NLK: variants seen among roughly 807,000 people sequenced by gnomAD.
NLK encodes the protein serine/threonine-protein kinase NLK.
NLK carries 11 observed loss-of-function variants against 59.0 expected under a neutral mutation model. The ratio of observed to expected loss-of-function variants is 0.19; its 90% CI spans 0.12 to 0.31. NLK has a LOEUF of 0.31. NLK is among the 10% of genes least tolerant of loss of function. The pLI is 1.00. For missense variants in NLK, 410 were observed against 661.1 expected (o/e 0.62, Z 4.16); for synonymous variants, 235 against 235.9 (o/e 1.00, Z 0.03).
chr17:28,082,672 T>C (rs2142767838), intron 1 of NLK, among the ~76,000 whole-genome samples: 1 of 152,362 alleles, frequency 6.6e-6, no homozygotes, highest in South Asian at 2.1e-4. Flanking sequence ...GAATTTAATG[T>C]TGACCTCTAA....
At chr17:28,131,464 G>A (rs1176842424) in intron 2 of NLK, among the ~76,000 whole-genome samples, 2 of 151,488 alleles carry the variant, frequency 1.3e-5, no homozygotes, top group Non-Finnish European at 2.9e-5. Flanking sequence ...TATATAGGGA[G>A]AGTAAAGGGT....
intron 1 of NLK, among the ~76,000 whole-genome samples, chr17:28,111,287 A>G (rs1465238822): frequency 2.0e-5 from 3 of 150,732 alleles, no homozygotes; most frequent in African/African-American, 7.3e-5. Flanking sequence ...CCCGGGTTCA[A>G]GTGATTCTCC....
chr17:28,171,795 T>C (rs1252051231), intron 6 of NLK, among the ~76,000 whole-genome samples: 1 of 152,166 alleles, frequency 6.6e-6, no homozygotes, highest in Non-Finnish European at 1.5e-5. Context: ...AGTTCAACTT[T>C]GCAAAGATCT....
chr17:28,062,487 A>G (rs1909695457), intron 1 of NLK, among the ~76,000 whole-genome samples: 1 of 152,226 alleles, frequency 6.6e-6, no homozygotes, highest in South Asian at 2.1e-4. Flanking sequence ...CATTTTTAAA[A>G]TTTACTATAA....
chr17:28,045,800 G>A (rs1429387973), intron 1 of NLK, among the ~76,000 whole-genome samples: 9 of 152,088 alleles, frequency 5.9e-5, no homozygotes, highest in African/African-American at 2.2e-4. Flanking sequence ...TATTAGTGAG[G>A]TTTTTTACTT....
chr17:28,046,601 A>G (rs760935843), intron 1 of NLK, among the ~76,000 whole-genome samples: 4 of 152,196 alleles, frequency 2.6e-5, no homozygotes, highest in African/African-American at 4.8e-5. Context: ...TTTGGTGAGT[A>G]ATATAAATCT....
chr17:28,084,935 G>A lies in NLK; in HGVS notation c.459-37668G>A, dbSNP rs574784215. ...AAAGTTTGTGAAAAAACACAAATCA[G>A]TACATCAAGGTTCAGTATATGACTA... On this transcript the variant is annotated intron_variant, in intron 1 of 10. Transcript: ENST00000407008. Among the ~76,000 whole-genome samples the A allele has an allele frequency of 2.0e-5, 3 of 152,304 alleles. No individual in the cohort carries two copies. The South Asian group carries it at 6.2e-4, about 32-fold the overall frequency.
the NLK span, among the ~76,000 whole-genome samples, chr17:28,202,144 C>T: frequency 2.8e-4 from 43 of 152,248 alleles, no homozygotes; most frequent in Middle Eastern, 3.4e-3. Flanking sequence ...ACCTGTAATC[C>T]CAACACTTTG....
chr17:28,183,716 C>T (rs888647397), intron 7 of NLK, among the ~76,000 whole-genome samples: 2 of 152,034 alleles, frequency 1.3e-5, no homozygotes, highest in South Asian at 4.1e-4. Context: ...TATAAGTAGA[C>T]GGCAGGTCTA....
chr17:28,049,919 G>A (rs183132887), intron 1 of NLK, among the ~76,000 whole-genome samples: 26 of 152,314 alleles, frequency 1.7e-4, no homozygotes, highest in Admixed American at 1.6e-3. Flanking sequence ...GGCAGAGGTT[G>A]CAGTGAGCCA....
chr17:28,122,105 CT>C (rs1391722899), intron 1 of NLK, among the ~76,000 whole-genome samples: 2 of 152,146 alleles, frequency 1.3e-5, no homozygotes, highest in Non-Finnish European at 1.5e-5. Flanking sequence ...TCAACTGCTG[CT>C]TATATTGAAG....
At chr17:28,180,941 G>A in intron 7 of NLK, among the ~76,000 whole-genome samples, 1 of 152,078 alleles carries the variant, frequency 6.6e-6, no homozygotes, top group East Asian at 1.9e-4. Flanking sequence ...GAGCTTTATA[G>A]ACTCACACAT....
In NLK at chr17:28,168,896, A is replaced by T. The variant is rs560058155; in HGVS notation, c.1047+239A>T. ...TATGTATTTATTTATTATTATTATT[A>T]TTTTTTGAGACGGAGTTTTGCTCTT... is the stretch of plus-strand genomic sequence containing the variant. On this transcript the variant is annotated intron_variant, in intron 6 of 10. Transcript: ENST00000407008. Among the ~76,000 whole-genome samples the T allele has an allele frequency of 9.9e-5, 15 of 151,932 alleles. No homozygotes were observed. In the South Asian group the frequency reaches 1.9e-3, roughly 19 times the overall value.
chr17:28,163,755 T>C, intron 5 of NLK, 127 bp downstream of exon 5: 1 of 611,850 alleles, frequency 1.6e-6, no homozygotes, highest in Non-Finnish European at 2.9e-6. Flanking sequence ...CCCAGTTTTC[T>C]CCATATCACT....
chr17:28,072,795 T>TCTA (rs2142758271), intron 1 of NLK, among the ~76,000 whole-genome samples: 1 of 152,294 alleles, frequency 6.6e-6, no homozygotes, highest in South Asian at 2.1e-4. Flanking sequence ...GCCTGGTCCG[T>TCTA]TTTAATAGTC....
intron 7 of NLK, among the ~76,000 whole-genome samples, chr17:28,184,709 A>T (rs2142068563): frequency 6.6e-6 from 1 of 152,324 alleles, no homozygotes; most frequent in South Asian, 2.1e-4. Context: ...GCACTTTGGG[A>T]GGCCGAGGCA....
intron 1 of NLK, among the ~76,000 whole-genome samples, chr17:28,073,963 C>T (rs1333137876): frequency 2.0e-5 from 3 of 152,122 alleles, no homozygotes; most frequent in Non-Finnish European, 4.4e-5. Flanking sequence ...TCTTTATAAC[C>T]AACTCTTGAA....
intron 3 of NLK, among the ~76,000 whole-genome samples, chr17:28,140,587 T>G (rs1057242588): frequency 3.9e-5 from 6 of 152,164 alleles, no homozygotes; most frequent in African/African-American, 1.4e-4. Context: ...CCTTTCTAAC[T>G]TTACCCTCAG....
chr17:28,061,967 A>AT (rs1909675708), intron 1 of NLK: 1 of 147,214 alleles, frequency 6.8e-6, no homozygotes, highest in Non-Finnish European at 1.5e-5. Flanking sequence ...CAGTGCCATC[A>AT]TGTCAGCTTT....
Sources: allele counts gnomAD v4.1 joint callset (sites outside exome capture counted in the v4.1 genomes callset), GRCh38; gene constraint gnomAD v4.1.1; transcripts MANE v1.5; gene names NCBI Gene and HGNC (gene_info 2026-07-23, HGNC 2026-07-21).